The following KNL1 variants were observed in gnomAD, a reference collection of about 807,000 sequenced individuals.
The protein encoded by KNL1 is outer kinetochore KNL1 complex subunit KNL1.
A neutral mutation model predicts 201.3 loss-of-function variants in KNL1; 66 were observed. That is an observed-to-expected ratio of 0.33 (90% CI 0.27 to 0.40). KNL1 has a LOEUF of 0.40. Ranked by LOEUF, KNL1 falls within the 10% of genes least tolerant of loss-of-function variation. The pLI is 1.00. For missense variants in KNL1, 2,815 were observed against 2,690.5 expected (o/e 1.05, Z -1.02); for synonymous variants, 895 against 899.2 (o/e 1.00, Z 0.08).
chr15:40,629,156 G>C, intron 12 of KNL1, 117 bp from the exon 13 acceptor site: 1 of 556,080 alleles, frequency 1.8e-6, no homozygotes, highest in Non-Finnish European at 3.1e-6. Context: ...GCAGATATCT[G>C]GATAATATTT....
Position 40,619,031 on chromosome 15 carries a change from C to A in KNL1, c.375+20C>A. 1 of 1,480,780 alleles carries A rather than the reference C, an allele frequency of 6.8e-7. No individual in the cohort carries two copies. The highest frequency in any genetic ancestry group is 2.3e-5 in the East Asian group (1 of 44,114). The allele number at this position is 1,480,780 out of a possible 1,614,324, so 91.7% of individuals were successfully genotyped here. ...AAGGAGGTATGAGTTCATGCAAATACCTTCATATTGTAATGTCATTTGATT... is the reference window on the plus strand; with the variant it reads ...AAGGAGGTATGAGTTCATGCAAATAACTTCATATTGTAATGTCATTTGATT... On this transcript the variant is annotated intron_variant, in intron 9 of 25. Coordinates refer to ENST00000399668, the MANE Select transcript of KNL1 (RefSeq NM_144508.5).
At chr15:40,610,997 G>A in intron 6 of KNL1, 1 of 316,892 alleles carries the variant, frequency 3.2e-6, no homozygotes, top group Non-Finnish European at 6.3e-6. Context: ...TGATCCGCCT[G>A]CCTTGGCCTC....
At chr15:40,643,638 T>G (rs1893298305) in intron 14 of KNL1, among the ~76,000 whole-genome samples, 1 of 152,116 alleles carries the variant, frequency 6.6e-6, no homozygotes, top group Non-Finnish European at 1.5e-5. Flanking sequence ...GGCAACAGGG[T>G]GAGACTCCGT....
Position 40,623,229 on chromosome 15 carries a change from A to G in KNL1, c.2965A>G (p.Ile989Val). The change falls in exon 10 of 26, where the codon ATA becomes GTA. Residue 989 changes from isoleucine (I) to valine (V), a missense_variant. By Grantham distance (29) the Ile-to-Val change is conservative (BLOSUM62 3). Coordinates refer to ENST00000399668, the MANE Select transcript of KNL1 (RefSeq NM_144508.5). ...QRKSLGTPTV[I>V]CTPTEESVFF... ...GAAAAGCCTAGGAACACCAACAGTG[A>G]TATGTACTCCTACTGAGGAGAGTGT... 1 of 1,613,986 alleles carries G rather than the reference A, an allele frequency of 6.2e-7. No homozygotes were observed.
At chr15:40,604,623 T>C (rs1891915995) in intron 2 of KNL1, among the ~76,000 whole-genome samples, 1 of 152,236 alleles carries the variant, frequency 6.6e-6, no homozygotes, top group Non-Finnish European at 1.5e-5. Context: ...GTGGCAACAC[T>C]GGGCTCCTAT....
At chr15:40,648,114 G>A (rs1487073773) in intron 17 of KNL1, among the ~76,000 whole-genome samples, 1 of 152,146 alleles carries the variant, frequency 6.6e-6, no homozygotes, top group African/African-American at 2.4e-5. Flanking sequence ...CCTAAAGGTA[G>A]CTTATAATCA....
chr15:40,634,580 T>A (rs573471143), intron 13 of KNL1, among the ~76,000 whole-genome samples: 3 of 152,306 alleles, frequency 2.0e-5, no homozygotes, highest in Admixed American at 2.0e-4. Flanking sequence ...ACAACTCTTT[T>A]GGGCCTCAGC....
intron 13 of KNL1, among the ~76,000 whole-genome samples, chr15:40,639,383 C>T (rs780643221): frequency 6.6e-6 from 1 of 151,190 alleles, no homozygotes; most frequent in Non-Finnish European, 1.5e-5. Context: ...GCCAGGAGTT[C>T]GAGACCAGCC....
chr15:40,619,276 A>G (rs1567005994), intron 9 of KNL1, among the ~76,000 whole-genome samples: 1 of 152,046 alleles, frequency 6.6e-6, no homozygotes, highest in Non-Finnish European at 1.5e-5. Flanking sequence ...ATACTAGTAC[A>G]CAAGTCCATA....
chr15:40,597,052 A>G (rs1204970752), intron 1 of KNL1, among the ~76,000 whole-genome samples: 1 of 151,982 alleles, frequency 6.6e-6, no homozygotes, highest in African/African-American at 2.4e-5. Context: ...GCAACTGCAA[A>G]CAGTTTATCT....
intron 22 of KNL1, among the ~76,000 whole-genome samples, chr15:40,656,247 A>G (rs1893728456): frequency 6.6e-6 from 1 of 152,012 alleles, no homozygotes; most frequent in African/African-American, 2.4e-5. Flanking sequence ...CCTGGCCAAC[A>G]TAGTGAAACC....
intron 14 of KNL1, 39 bp downstream of exon 14, chr15:40,641,066 G>A: frequency 7.6e-7 from 1 of 1,323,384 alleles, no homozygotes. Context: ...TTTTTTGAGG[G>A]GAGGGATCAG....
intron 8 of KNL1, chr15:40,615,678 T>G (rs1469001315): frequency 6.3e-6 from 1 of 158,328 alleles, no homozygotes; most frequent in Non-Finnish European, 1.4e-5. Flanking sequence ...GGCAGGGGAA[T>G]CGCTTGAACC....
chr15:40,632,471 A>G (rs1222568504), intron 13 of KNL1, among the ~76,000 whole-genome samples: 2 of 151,840 alleles, frequency 1.3e-5, no homozygotes, highest in Non-Finnish European at 2.9e-5. Context: ...GCCTGGTAGC[A>G]TGTGCCTGTA....
intron 9 of KNL1, among the ~76,000 whole-genome samples, chr15:40,619,557 A>G (rs1342150032): frequency 1.3e-5 from 2 of 151,322 alleles, no homozygotes; most frequent in Non-Finnish European, 2.9e-5. Context: ...GCATGCCACC[A>G]TGCCTAGCTA....
chr15:40,632,599 C>G (rs1048836463), intron 13 of KNL1, among the ~76,000 whole-genome samples: 2 of 151,378 alleles, frequency 1.3e-5, no homozygotes, highest in East Asian at 1.9e-4. Context: ...CGGACCCTGT[C>G]TCAAAAAAAA....
chr15:40,627,359 A>G (rs1168478589), intron 10 of KNL1, among the ~76,000 whole-genome samples: 2 of 152,088 alleles, frequency 1.3e-5, no homozygotes, highest in Admixed American at 1.3e-4. Flanking sequence ...CTAAAAATAC[A>G]AAAAATTAGC....
intron 19 of KNL1, 102 bp downstream of exon 19, chr15:40,650,685 T>A: frequency 9.6e-7 from 1 of 1,036,362 alleles, no homozygotes; most frequent in Non-Finnish European, 1.4e-6. Flanking sequence ...ACATGAGTCT[T>A]GATTGAGGCT....
intron 10 of KNL1, among the ~76,000 whole-genome samples, chr15:40,626,514 T>C (rs1193017409): frequency 6.6e-6 from 1 of 152,088 alleles, no homozygotes; most frequent in Non-Finnish European, 1.5e-5. Context: ...TGCTATGTCT[T>C]AGGCACTGTT....
Sources: gnomAD v4.1 joint callset for allele counts (sites outside exome capture counted in the v4.1 genomes callset) on GRCh38, gnomAD v4.1.1 for gene constraint, MANE v1.5 for transcripts, NCBI Gene and HGNC (gene_info 2026-07-23, HGNC 2026-07-21) for gene names.